INTS13: variants seen among roughly 807,000 people sequenced by gnomAD.
The protein encoded by INTS13 is asunder, spermatogenesis regulator homolog (Drosphila).
INTS13 carries 35 observed loss-of-function variants against 90.2 expected under a neutral mutation model. The observed-to-expected ratio is 0.39, with a 90% CI of 0.30 to 0.51. INTS13 has a LOEUF of 0.51. Among genes scored for constraint, INTS13 ranks in the 20% least tolerant of loss-of-function variants. INTS13 has a pLI of 0.80. For synonymous variants in INTS13, 309 were observed against 277.1 expected (o/e 1.11, Z -1.14); for missense variants, 601 against 851.2 (o/e 0.71, Z 3.66).
chr12:26,934,571 G>A lies in INTS13; in HGVS notation c.285C>T (p.Asp95=), dbSNP rs1352317167. The A allele has an allele frequency of 3.1e-6, 5 of 1,612,232 alleles. No individual in the cohort carries two copies. In the Admixed American group the frequency reaches 5.0e-5, roughly 16 times the overall value. The stretch of plus-strand genomic sequence containing the variant: ...CTAACCATACCTCCTGTAAATTTTG[G>A]TCTTCTTGAGTCCAAGAATTTAAAA... ...AHVLNSWTQE[D]QNLQELMAAL... The change falls in exon 3 of 17, where the codon GAC becomes GAT. Residue 95 remains aspartate (D), a synonymous_variant. Coordinates refer to ENST00000261191, the MANE Select transcript of INTS13 (RefSeq NM_018164.3).
chr12:26,922,478 A>T, intron 8 of INTS13, 138 bp downstream of exon 8: 1 of 476,210 alleles, frequency 2.1e-6, no homozygotes, highest in Non-Finnish European at 3.7e-6. Flanking sequence ...CAGTGTATAC[A>T]GTATAGGGTT....
chr12:26,932,354 C>T (rs1151048), intron 3 of INTS13, among the ~76,000 whole-genome samples: 76,485 of 151,884 alleles, frequency 0.5, 19,650 homozygotes, highest in East Asian at 0.79. Flanking sequence ...AATTACCAAA[C>T]ACAGTGGGGA....
intron 14 of INTS13, among the ~76,000 whole-genome samples, chr12:26,912,179 A>G (rs1951795617): frequency 6.6e-6 from 1 of 152,194 alleles, no homozygotes; most frequent in South Asian, 2.1e-4. Context: ...TCATGCCTGT[A>G]ATCCCAAGCA....
intron 15 of INTS13, among the ~76,000 whole-genome samples, chr12:26,909,472 C>A (rs990883079): frequency 7.9e-6 from 1 of 127,074 alleles, no homozygotes; most frequent in Non-Finnish European, 1.6e-5. Flanking sequence ...AGATAATACT[C>A]TTTTTTTTTT....
chr12:26,914,848 T>C (rs1207368089), intron 11 of INTS13, among the ~76,000 whole-genome samples: 2 of 152,194 alleles, frequency 1.3e-5, no homozygotes, highest in Non-Finnish European at 2.9e-5. Flanking sequence ...GAACACTTTT[T>C]TTCCCCTTCT....
chr12:26,929,102 A>G (rs758953741), intron 3 of INTS13, 197 bp from the exon 4 acceptor site: 4 of 540,646 alleles, frequency 7.4e-6, no homozygotes, highest in Non-Finnish European at 1.3e-5. Context: ...CTAGGAATGC[A>G]AAGTTTATTT....
intron 6 of INTS13, 114 bp downstream of exon 6, chr12:26,925,647 C>T: frequency 1.1e-6 from 1 of 897,960 alleles, no homozygotes; most frequent in Non-Finnish European, 1.7e-6. Context: ...TTTGAAAACT[C>T]AAAATATTTT....
intron 13 of INTS13, 80 bp downstream of exon 13, chr12:26,913,894 C>G (rs1437593765): frequency 1.5e-6 from 2 of 1,324,722 alleles, no homozygotes; most frequent in Non-Finnish European, 2.1e-6. Context: ...ATAGAATTTA[C>G]ATATGGAATA....
At chr12:26,933,018 A>T (rs1162421299) in intron 3 of INTS13, among the ~76,000 whole-genome samples, 3 of 152,246 alleles carry the variant, frequency 2.0e-5, no homozygotes, top group Admixed American at 6.5e-5. Context: ...AGAAAACATC[A>T]AATAAACTAA....
At chr12:26,908,700 T>C (rs1951686369) in intron 15 of INTS13, among the ~76,000 whole-genome samples, 1 of 151,850 alleles carries the variant, frequency 6.6e-6, no homozygotes, top group Non-Finnish European at 1.5e-5. Flanking sequence ...CAGATAAAAC[T>C]GAGGTATAAT....
intron 5 of INTS13, 30 bp from the exon 6 acceptor site, chr12:26,925,881 A>G: frequency 6.8e-7 from 1 of 1,464,870 alleles, no homozygotes; most frequent in Non-Finnish European, 9.6e-7. Flanking sequence ...CTTAAAATTT[A>G]AGAATACATA....
chr12:26,906,233 T>C, intron 16 of INTS13, 69 bp downstream of exon 16: 1 of 1,401,928 alleles, frequency 7.1e-7, no homozygotes, highest in Non-Finnish European at 9.6e-7. Flanking sequence ...TTATTACAAA[T>C]AAGCAATGAT....
At chr12:26,928,358 C>A in intron 4 of INTS13, 73 bp from the exon 5 acceptor site, 1 of 1,176,814 alleles carries the variant, frequency 8.5e-7, no homozygotes. Context: ...CACTCTTCCG[C>A]TTTAATATGG....
chr12:26,935,840 C>T (rs529947991), intron 2 of INTS13, among the ~76,000 whole-genome samples: 134 of 152,254 alleles, frequency 8.8e-4, no homozygotes, highest in African/African-American at 3.1e-3. Flanking sequence ...CCCAGCGCTT[C>T]GAGTAAGACA....
chr12:26,909,310 G>A (rs759795625), intron 15 of INTS13, among the ~76,000 whole-genome samples: 1 of 152,124 alleles, frequency 6.6e-6, no homozygotes, highest in Non-Finnish European at 1.5e-5. Context: ...GCACTGGGCT[G>A]AGATCGTGCC....
chr12:26,906,424 T>C lies in INTS13; in HGVS notation c.1959A>G (p.Leu653=), dbSNP rs372639327. 1.9e-6 allele frequency: 3 copies of C among 1,609,986 alleles called. No homozygotes were observed. The highest frequency in any genetic ancestry group is 1.7e-4 in the Middle Eastern group (1 of 5,844). Residue 653 remains leucine (L), a synonymous_variant, in exon 16 of 17, where the codon TTA becomes TTG. Coordinates refer to ENST00000261191, the MANE Select transcript of INTS13 (RefSeq NM_018164.3). Reference sequence around the variant, plus strand: ...TGATTCTATTACTCCACAAGGATAATAACGACACTGGCCCTAGTGTTATAT... The same window carrying C: ...TGATTCTATTACTCCACAAGGATAACAACGACACTGGCCCTAGTGTTATAT... ...QVEKSKGPVS[L]LSLWSNRINT... is the part of the protein sequence containing the mutation.
intron 16 of INTS13, 138 bp downstream of exon 16, chr12:26,906,164 T>A: frequency 1.2e-6 from 1 of 821,092 alleles, no homozygotes. Context: ...AGAGGTTAAT[T>A]TTTTCTGCTT....
At chr12:26,910,512 A>T (rs928238938) in intron 15 of INTS13, among the ~76,000 whole-genome samples, 3 of 152,058 alleles carry the variant, frequency 2.0e-5, no homozygotes, top group Non-Finnish European at 4.4e-5. Context: ...TAGATCTGAT[A>T]GTTTTATAAG....
chr12:26,906,499 T>G, intron 15 of INTS13, 62 bp from the exon 16 acceptor site: 1 of 1,507,260 alleles, frequency 6.6e-7, no homozygotes, highest in Non-Finnish European at 9.0e-7. Flanking sequence ...TTTCCAAATT[T>G]CCAAATTTCC....
Sources: gnomAD v4.1 joint callset for allele counts (sites outside exome capture counted in the v4.1 genomes callset) on GRCh38, gnomAD v4.1.1 for gene constraint, MANE v1.5 for transcripts, NCBI Gene and HGNC (gene_info 2026-07-23, HGNC 2026-07-21) for gene names.